Variants in SUCO observed in about 807,000 individuals in gnomAD.
SUCO encodes SUN domain-containing ossification factor.
In SUCO, 57 loss-of-function variants were observed where a neutral mutation model predicts 148.1. The observed-to-expected ratio is 0.38, with a 90% CI of 0.31 to 0.48. The LOEUF (loss-of-function observed/expected upper bound fraction) is 0.48, where lower values mean the gene tolerates loss of function less well. Among genes scored for constraint, SUCO ranks in the 20% least tolerant of loss-of-function variants. SUCO has a pLI of 0.96. For missense variants in SUCO, 1,331 were observed against 1,468.2 expected, an observed-to-expected ratio of 0.91 and a Z score of 1.53; for synonymous variants, 470 against 502.7, an observed-to-expected ratio of 0.93 and a Z score of 0.87.
chr1:172,567,996 C>T (rs540760850), intron 6 of SUCO, among the ~76,000 whole-genome samples: 2 of 152,334 alleles, frequency 1.3e-5, no homozygotes, highest in East Asian at 1.9e-4. Context: ...ATTCTGCCTC[C>T]TGTCATATCA....
intron 19 of SUCO, among the ~76,000 whole-genome samples, chr1:172,592,073 GTCT>G (rs981833320): frequency 1.7e-4 from 26 of 152,338 alleles, no homozygotes; most frequent in African/African-American, 6.3e-4. Flanking sequence ...CTGCATAAAT[GTCT>G]TCTTTTGAGA....
chr1:172,593,014 G>A (rs1454126408), intron 19 of SUCO, among the ~76,000 whole-genome samples: 2 of 152,232 alleles, frequency 1.3e-5, no homozygotes, highest in East Asian at 3.9e-4. Context: ...GGATTCCTAG[G>A]TATTTTATTC....
At chr1:172,595,019 TC>T (rs1310268990) in intron 19 of SUCO, among the ~76,000 whole-genome samples, 1 of 152,220 alleles carries the variant, frequency 6.6e-6, no homozygotes, top group Non-Finnish European at 1.5e-5. Context: ...GTTGAATTGA[TC>T]CCTTTACCAT....
intron 15 of SUCO, among the ~76,000 whole-genome samples, chr1:172,581,253 A>G (rs1571250964): frequency 1.3e-5 from 2 of 152,308 alleles, no homozygotes; most frequent in Non-Finnish European, 2.9e-5. Context: ...CCTTGAAGGT[A>G]TATCACTTAA....
At chr1:172,596,203 C>T (rs956912096) in intron 19 of SUCO, among the ~76,000 whole-genome samples, 1 of 152,180 alleles carries the variant, frequency 6.6e-6, no homozygotes, top group African/African-American at 2.4e-5. Flanking sequence ...AGATTTTTAG[C>T]TTCTTTGTGA....
At chr1:172,570,808 T>C (rs948429138) in intron 9 of SUCO, 78 bp downstream of exon 9, 3 of 868,556 alleles carry the variant, frequency 3.5e-6, no homozygotes, top group South Asian at 1.5e-5. Context: ...TAGGGTTACA[T>C]TGACATATAA....
chr1:172,550,599 T>C (rs1653219212), intron 1 of SUCO, among the ~76,000 whole-genome samples: 1 of 152,020 alleles, frequency 6.6e-6, no homozygotes, highest in African/African-American at 2.4e-5. Flanking sequence ...TTTATGCCTC[T>C]TTTATCTTCA....
At chr1:172,581,275 C>CAGG (rs1655869201) in intron 15 of SUCO, among the ~76,000 whole-genome samples, 1 of 152,106 alleles carries the variant, frequency 6.6e-6, no homozygotes, top group Non-Finnish European at 1.5e-5. Flanking sequence ...TTTCCTTTTA[C>CAGG]AGATCTCTGG....
Position 172,602,229 on chromosome 1 carries a change from C to G in SUCO, c.3173+11C>G, listed in dbSNP as rs1657577245. 6.4e-7 allele frequency: 1 copy of G among 1,569,034 alleles called. No homozygotes were observed. The highest frequency in any genetic ancestry group is 1.4e-5 in the African/African-American group (1 of 72,810). On this transcript the variant is annotated intron_variant, in intron 21 of 23. Coordinates refer to ENST00000263688, the MANE Select transcript of SUCO (RefSeq NM_014283.5). ...TCCAAGCCCTAAAAGGTAATATCAG[C>G]ATTATATTTCACAATTTTATTTTTT...
Position 172,555,869 on chromosome 1 carries a change from A to T in SUCO, c.289A>T (p.Asn97Tyr), listed in dbSNP as rs1313452663. The change falls in exon 4 of 24, where the codon AAT becomes TAT. Residue 97 changes from asparagine (N) to tyrosine (Y), a missense_variant and splice_region_variant. Around this residue, in one of 3 missense-constraint regions of SUCO, gnomAD observed 992 missense variants for 1,093.5 expected, o/e 0.91. Transcript: ENST00000263688. ...TTAGCTGACTTGTTTTTTTAAACAG[A>T]ATACAGAGTCAAAAAAGTTAAGTCC... The part of the protein sequence containing the change: ...LKDDSIVDVQ[N>Y]TESKKLSPPV... The T allele has an allele frequency of 3.1e-6, 5 of 1,608,138 alleles. No homozygotes were observed. Among genetic ancestry groups the T allele is most frequent in the Non-Finnish European group, 4.2e-6 (5 of 1,176,928 alleles).
chr1:172,604,947 C>T (rs1657767258), intron 22 of SUCO, among the ~76,000 whole-genome samples: 1 of 151,748 alleles, frequency 6.6e-6, no homozygotes, highest in South Asian at 2.1e-4. Flanking sequence ...GATTGCTTCC[C>T]CTCTTGGCTG....
At chr1:172,532,992 G>A (rs1571159186), upstream of SUCO, 7 of 1,403,696 alleles carry the variant, frequency 5.0e-6, no homozygotes, top group East Asian at 5.0e-5. Flanking sequence ...GGCTGGTGGG[G>A]GTGCGGGCGC....
At position 172,573,168 on chromosome 1, in the gene SUCO, A is replaced by G. The variant is rs1425537848; in HGVS notation, c.1050-723A>G. Among the ~76,000 whole-genome samples the G allele has an allele frequency of 2.0e-5, 3 of 152,158 alleles. 1 individual carries two copies. The highest frequency in any genetic ancestry group is 4.1e-4 in the South Asian group (2 of 4,826). On this transcript the variant is annotated intron_variant, in intron 9 of 23. Coordinates refer to ENST00000263688, the MANE Select transcript of SUCO (RefSeq NM_014283.5). ...CATCACCACAATAAAGATAACAAAC[A>G]TATCCATCATTCCCAAAAGTTTCAT...
At chr1:172,584,951 A>C in intron 15 of SUCO, 67 bp from the exon 16 acceptor site, 2 of 1,025,722 alleles carry the variant, frequency 1.9e-6, no homozygotes, top group South Asian at 1.6e-5. Flanking sequence ...TTTTTTGACT[A>C]TCTGATATTA....
chr1:172,542,555 C>T (rs1259941120), intron 1 of SUCO: 1 of 170,208 alleles, frequency 5.9e-6, no homozygotes, highest in African/African-American at 2.4e-5. Flanking sequence ...GTCAGATTAG[C>T]AGCAGAATTA....
chr1:172,584,893 G>T, intron 15 of SUCO, 125 bp from the exon 16 acceptor site: 1 of 565,934 alleles, frequency 1.8e-6, no homozygotes, highest in Non-Finnish European at 3.0e-6. Flanking sequence ...GTTGTGAGGT[G>T]AATACAAAAG....
chr1:172,559,073 T>C (rs1351007944), intron 6 of SUCO, among the ~76,000 whole-genome samples: 2 of 152,230 alleles, frequency 1.3e-5, no homozygotes, highest in Admixed American at 1.3e-4. Flanking sequence ...TCAGAATAAC[T>C]CTGTCCCGTT....
intron 2 of SUCO, chr1:172,552,549 G>A (rs1454868040): frequency 1.4e-6 from 1 of 732,978 alleles, no homozygotes; most frequent in Non-Finnish European, 1.7e-6. Flanking sequence ...ACATACTTGA[G>A]GGTTTTTTGG....
chr1:172,556,622 T>G, intron 4 of SUCO: 1 of 984,778 alleles, frequency 1.0e-6, no homozygotes, highest in Non-Finnish European at 1.2e-6. Context: ...GAAGAATAAC[T>G]GGTACATAAC....
Sources: gnomAD v4.1 joint callset for allele counts (sites outside exome capture counted in the v4.1 genomes callset) on GRCh38, gnomAD v4.1.1 for gene constraint, gnomAD v4.1.1 regional missense constraint, MANE v1.5 for transcripts, NCBI Gene and HGNC (gene_info 2026-07-23, HGNC 2026-07-21) for gene names.